Variants in CFAP299 observed in about 807,000 individuals in gnomAD.
CFAP299 encodes the protein cilia and flagella associated protein 299, also known as cilia- and flagella-associated protein 299.
In CFAP299, 21 loss-of-function variants were observed where a neutral mutation model predicts 27.0. That is an observed-to-expected ratio of 0.78 (90% CI 0.55 to 1.12). The LOEUF (loss-of-function observed/expected upper bound fraction) is 1.12. Ranked by LOEUF, CFAP299 falls within the 50% of genes most tolerant of loss-of-function variation. The pLI is 0.00. For missense variants in CFAP299, 310 were observed against 276.6 expected (o/e 1.12, Z -0.86); for synonymous variants, 104 against 98.1 (o/e 1.06, Z -0.36).
At chr4:80,333,225 G>A (rs1722003871), upstream of CFAP299, among the ~76,000 whole-genome samples, 1 of 152,148 alleles carries the variant, frequency 6.6e-6, no homozygotes, top group African/African-American at 2.4e-5. Flanking sequence ...CTGAGACTGT[G>A]AGGAAGTCCA....
Position 80,712,918 on chromosome 4 carries a change from G to C in CFAP299, c.333+129735G>C, listed in dbSNP as rs1160719055. ...TCTCCATTTCCTCATCTCTCTTAGTGGAGTGCCCTATTAGAACCCTGTTAA... is the reference window on the plus strand; with the variant it reads ...TCTCCATTTCCTCATCTCTCTTAGTCGAGTGCCCTATTAGAACCCTGTTAA... On this transcript the variant is annotated intron_variant, in intron 3 of 5. Transcript: ENST00000358105. 1.3e-5 allele frequency among the ~76,000 whole-genome samples: 2 copies of C among 152,030 alleles called. 1 individual carries two copies. The highest frequency in any genetic ancestry group is 2.9e-5 in the Non-Finnish European group (2 of 68,014).
At chr4:80,571,269 G>T (rs1735567824) in intron 2 of CFAP299, among the ~76,000 whole-genome samples, 1 of 152,024 alleles carries the variant, frequency 6.6e-6, no homozygotes. Context: ...TCATATTCAA[G>T]ATAAGGAAGT....
chr4:80,661,579 T>C (rs1232900444), intron 3 of CFAP299, among the ~76,000 whole-genome samples: 1 of 152,188 alleles, frequency 6.6e-6, no homozygotes, highest in African/African-American at 2.4e-5. Flanking sequence ...TACGTTAATC[T>C]CTTAATCTCA....
chr4:80,438,796 A>G (rs1421540997), intron 2 of CFAP299, among the ~76,000 whole-genome samples: 1 of 152,250 alleles, frequency 6.6e-6, no homozygotes, highest in Non-Finnish European at 1.5e-5. Flanking sequence ...GAGAAATAGA[A>G]TTGGTAAATG....
At chr4:80,536,466 A>G (rs1733744759) in intron 2 of CFAP299, among the ~76,000 whole-genome samples, 1 of 152,124 alleles carries the variant, frequency 6.6e-6, no homozygotes, top group South Asian at 2.1e-4. Context: ...TTCAAAATCT[A>G]CTACAAAACT....
rs35100793 is a variant in CFAP299, at chr4:80,498,581, T to TA, written c.243-84501dup. 6.9e-4 allele frequency among the ~76,000 whole-genome samples: 103 copies of TA among 148,470 alleles called. No homozygotes were observed. In the East Asian group the frequency reaches 0.013, roughly 19 times the overall value. ...AGTCAGAATGGCTATTATTAAAAAGTAAAAAAAAAAATCAGATGATGGTGA... is the reference window on the plus strand; with the variant it reads ...AGTCAGAATGGCTATTATTAAAAAGTAAAAAAAAAAAATCAGATGATGGTGA... On this transcript the variant is annotated intron_variant, in intron 2 of 5. Coordinates refer to ENST00000358105, the MANE Select transcript of CFAP299 (RefSeq NM_152770.3).
intron 2 of CFAP299, among the ~76,000 whole-genome samples, chr4:80,419,396 C>T (rs1459044062): frequency 3.3e-5 from 5 of 152,184 alleles, no homozygotes; most frequent in African/African-American, 9.7e-5. Context: ...GAATCGTCCT[C>T]ATGCTCACTT....
intron 4 of CFAP299, among the ~76,000 whole-genome samples, chr4:80,940,805 T>A (rs192773859): frequency 6.6e-6 from 1 of 152,190 alleles, no homozygotes; most frequent in African/African-American, 2.4e-5. Context: ...TACAAATTAC[T>A]CAGTTACATA....
chr4:80,578,819 G>T (rs1736015364), intron 2 of CFAP299, among the ~76,000 whole-genome samples: 1 of 152,010 alleles, frequency 6.6e-6, no homozygotes, highest in Non-Finnish European at 1.5e-5. Context: ...TTATTATCTT[G>T]TGCTATTATT....
chr4:80,352,603 A>G (rs551343739), intron 1 of CFAP299, among the ~76,000 whole-genome samples: 3 of 152,236 alleles, frequency 2.0e-5, no homozygotes, highest in Admixed American at 6.5e-5. Context: ...TTCACACAAT[A>G]ATAGAATACC....
intron 3 of CFAP299, among the ~76,000 whole-genome samples, chr4:80,722,117 C>T (rs1427572136): frequency 6.6e-6 from 1 of 151,984 alleles, no homozygotes; most frequent in Non-Finnish European, 1.5e-5. Context: ...ATAATTTTAC[C>T]ATATATAGAA....
intron 3 of CFAP299, among the ~76,000 whole-genome samples, chr4:80,723,234 A>G (rs1462559287): frequency 6.6e-6 from 1 of 152,110 alleles, no homozygotes; most frequent in African/African-American, 2.4e-5. Flanking sequence ...TTACCTAGAC[A>G]CTCTATCCCT....
At chr4:80,334,095 G>A (rs753597170), upstream of CFAP299, among the ~76,000 whole-genome samples, 1 of 152,100 alleles carries the variant, frequency 6.6e-6, no homozygotes, top group Non-Finnish European at 1.5e-5. Context: ...TGAGTTAGAA[G>A]ACATTTCTAG....
chr4:80,502,282 G>T (rs1731785571), intron 2 of CFAP299, among the ~76,000 whole-genome samples: 1 of 152,036 alleles, frequency 6.6e-6, no homozygotes. Context: ...AATCACCAAT[G>T]GCAATGATTT....
chr4:80,800,549 TC>T (rs373434732), intron 3 of CFAP299, among the ~76,000 whole-genome samples: 8 of 28,694 alleles, frequency 2.8e-4, no homozygotes, highest in African/African-American at 2.0e-3. Context: ...ATATAATATA[TC>T]AATATATTAT....
chr4:80,487,254 TG>T (rs1167120012), intron 2 of CFAP299, among the ~76,000 whole-genome samples: 1 of 152,230 alleles, frequency 6.6e-6, no homozygotes, highest in Non-Finnish European at 1.5e-5. Context: ...CTTAATTTAC[TG>T]GTGAATGTAA....
chr4:80,552,686 T>C (rs2110211285), intron 2 of CFAP299, among the ~76,000 whole-genome samples: 1 of 152,192 alleles, frequency 6.6e-6, no homozygotes, highest in Middle Eastern at 3.4e-3. Context: ...ACTACACCAG[T>C]AGTTTGGGGT....
chr4:80,903,574 G>T (rs1735039269), intron 4 of CFAP299, among the ~76,000 whole-genome samples: 1 of 151,796 alleles, frequency 6.6e-6, no homozygotes, highest in African/African-American at 2.4e-5. Flanking sequence ...TTGGATTTTT[G>T]TCCTACTAGT....
At position 80,397,649 on chromosome 4, in the gene CFAP299, G is replaced by A. The variant is rs546018395; in HGVS notation, c.242+34765G>A. Among the ~76,000 whole-genome samples, 432 of 152,140 alleles carry A rather than the reference G, an allele frequency of 2.8e-3. 8 individuals are homozygous for A. Among genetic ancestry groups the A allele is most frequent in the Admixed American group, 0.02 (303 of 15,264 alleles). On this transcript the variant is annotated intron_variant, in intron 2 of 5. Transcript: ENST00000358105. ...CAAAATTCAACAACGCTTCATGCTAGAAACTCTCAATAAATTAGGTATTGA... is the reference window on the plus strand; with the variant it reads ...CAAAATTCAACAACGCTTCATGCTAAAAACTCTCAATAAATTAGGTATTGA...
Sources: allele counts gnomAD v4.1 joint callset (sites outside exome capture counted in the v4.1 genomes callset), GRCh38; gene constraint gnomAD v4.1.1; transcripts MANE v1.5; gene names NCBI Gene and HGNC (gene_info 2026-07-23, HGNC 2026-07-21).